RPS6KA2: variants seen among roughly 807,000 people sequenced by gnomAD.
RPS6KA2 encodes ribosomal protein S6 kinase A2.
RPS6KA2 carries 42 observed loss-of-function variants against 91.8 expected under a neutral mutation model. The ratio of observed to expected loss-of-function variants is 0.46; its 90% confidence interval spans 0.36 to 0.59. The LOEUF is 0.59. RPS6KA2 is among the 20% of genes least tolerant of loss of function. The pLI is 0.00. For synonymous variants in RPS6KA2, 414 were observed against 393.6 expected, an observed-to-expected ratio of 1.05 and a Z score of -0.61; for missense variants, 798 against 978.5, an observed-to-expected ratio of 0.82 and a Z score of 2.46.
intron 2 of RPS6KA2, among the ~76,000 whole-genome samples, chr6:166,640,643 T>G (rs1787401286): frequency 6.6e-6 from 1 of 152,230 alleles, no homozygotes; most frequent in Non-Finnish European, 1.5e-5. Context: ...GGGAAATCTC[T>G]TCTAATGAAG....
intron 2 of RPS6KA2, among the ~76,000 whole-genome samples, chr6:166,684,379 T>G (rs577714268): frequency 6.6e-6 from 1 of 152,364 alleles, no homozygotes; most frequent in East Asian, 1.9e-4. Context: ...TAAATATGAC[T>G]GCAGGCCTGC....
At chr6:166,754,527 G>C (rs528483072) in intron 2 of RPS6KA2, among the ~76,000 whole-genome samples, 1 of 152,154 alleles carries the variant, frequency 6.6e-6, no homozygotes, top group Non-Finnish European at 1.5e-5. Context: ...GCTGGTACTG[G>C]GCCCTGGGAG....
chr6:166,705,503 C>T (rs1789656598), intron 2 of RPS6KA2, among the ~76,000 whole-genome samples: 1 of 152,214 alleles, frequency 6.6e-6, no homozygotes, highest in Non-Finnish European at 1.5e-5. Context: ...CAGTAAACAT[C>T]ACACTCAGTG....
intron 2 of RPS6KA2, among the ~76,000 whole-genome samples, chr6:166,807,418 C>G (rs1005722344): frequency 1.3e-5 from 2 of 152,168 alleles, no homozygotes; most frequent in African/African-American, 4.8e-5. Flanking sequence ...TGACCTACCT[C>G]TGGTCCAAGC....
At chr6:166,502,844 A>C (rs1236043783) in intron 6 of RPS6KA2, among the ~76,000 whole-genome samples, 1 of 152,222 alleles carries the variant, frequency 6.6e-6, no homozygotes, top group African/African-American at 2.4e-5. Context: ...GCAGCTGCGG[A>C]GGCTGCTCTC....
intron 8 of RPS6KA2, among the ~76,000 whole-genome samples, chr6:166,496,076 C>A (rs1038663173): frequency 1.3e-5 from 2 of 152,192 alleles, no homozygotes; most frequent in African/African-American, 2.4e-5. Context: ...AAGAACTGGG[C>A]GTGGTGGCTC....
intron 2 of RPS6KA2, among the ~76,000 whole-genome samples, chr6:166,781,467 T>G (rs1583110448): frequency 6.6e-6 from 1 of 152,204 alleles, no homozygotes. Flanking sequence ...TCGCTCTCTT[T>G]GGGTGAGAGG....
At chr6:166,789,195 C>A (rs1035478017) in intron 2 of RPS6KA2, among the ~76,000 whole-genome samples, 3 of 152,218 alleles carry the variant, frequency 2.0e-5, no homozygotes, top group Non-Finnish European at 4.4e-5. Context: ...TAAAAAACAG[C>A]GCACCAGGAG....
intron 2 of RPS6KA2, among the ~76,000 whole-genome samples, chr6:166,831,337 C>T (rs1397481710): frequency 6.6e-6 from 1 of 152,200 alleles, no homozygotes; most frequent in Non-Finnish European, 1.5e-5. Context: ...CTCTCTTCTG[C>T]TCAGGTCCAC....
At chr6:166,693,480 G>A (rs745427457) in intron 2 of RPS6KA2, among the ~76,000 whole-genome samples, 16 of 152,288 alleles carry the variant, frequency 1.1e-4, no homozygotes, top group Non-Finnish European at 1.5e-4. Context: ...AGGGTCCTGC[G>A]CCTCCATCGC....
chr6:166,615,778 C>A (rs916218223), intron 1 of RPS6KA2, among the ~76,000 whole-genome samples: 11 of 152,162 alleles, frequency 7.2e-5, no homozygotes, highest in African/African-American at 2.7e-4. Context: ...AGAGCACACC[C>A]CCCCAGGATG....
At chr6:166,414,745 C>T (rs896754024) in intron 19 of RPS6KA2, among the ~76,000 whole-genome samples, 6 of 152,208 alleles carry the variant, frequency 3.9e-5, no homozygotes, top group Admixed American at 2.0e-4. Context: ...TTAGTGTTCC[C>T]ACCACATTTG....
chr6:166,775,335 A>G (rs1476313062), intron 2 of RPS6KA2, among the ~76,000 whole-genome samples: 1 of 149,784 alleles, frequency 6.7e-6, no homozygotes, highest in Non-Finnish European at 1.5e-5. Context: ...TAAGTGCCCA[A>G]AAGTTTCCCT....
At chr6:166,680,479 C>T (rs1788761770) in intron 2 of RPS6KA2, among the ~76,000 whole-genome samples, 1 of 152,000 alleles carries the variant, frequency 6.6e-6, no homozygotes, top group Admixed American at 6.5e-5. Flanking sequence ...TGTTTTTTTG[C>T]TCTTTGTAGT....
At chr6:166,664,873 C>A (rs79271444) in intron 2 of RPS6KA2, among the ~76,000 whole-genome samples, 5,133 of 152,256 alleles carry the variant, frequency 0.034, 141 homozygotes, top group East Asian at 0.078. Flanking sequence ...CAGCTTTCGC[C>A]TCCTGAACAC....
intron 16 of RPS6KA2, among the ~76,000 whole-genome samples, chr6:166,426,104 C>A (rs895845201): frequency 6.6e-6 from 1 of 152,168 alleles, no homozygotes; most frequent in African/African-American, 2.4e-5. Flanking sequence ...CAAACTATCT[C>A]TCAGACCACA....
chr6:166,678,829 T>C (rs1026226155), intron 2 of RPS6KA2, among the ~76,000 whole-genome samples: 1 of 152,240 alleles, frequency 6.6e-6, no homozygotes, highest in Non-Finnish European at 1.5e-5. Context: ...TTCATGGGGC[T>C]GGGCTCTCAA....
intron 2 of RPS6KA2, among the ~76,000 whole-genome samples, chr6:166,834,014 G>A (rs1052623890): frequency 6.6e-6 from 1 of 152,130 alleles, no homozygotes; most frequent in Non-Finnish European, 1.5e-5. Flanking sequence ...GATTACAGAT[G>A]TGAGTCACCA....
At chr6:166,505,628 T>G (rs534706659) in intron 5 of RPS6KA2, among the ~76,000 whole-genome samples, 1 of 152,348 alleles carries the variant, frequency 6.6e-6, no homozygotes, top group East Asian at 1.9e-4. Flanking sequence ...CCAGGGGACC[T>G]GAACGGTGAG....
Sources: gnomAD v4.1 joint callset for allele counts (sites outside exome capture counted in the v4.1 genomes callset) on GRCh38, gnomAD v4.1.1 for gene constraint, MANE v1.5 for transcripts, NCBI Gene and HGNC (gene_info 2026-07-23, HGNC 2026-07-21) for gene names.